The following PCDH7 variants were observed in gnomAD, a reference collection of about 807,000 sequenced individuals.
The protein encoded by PCDH7 is protocadherin-7.
Under a neutral mutation model 58.9 loss-of-function variants are expected in PCDH7, and 17 were observed. That is an observed-to-expected ratio of 0.29 (90% CI 0.20 to 0.43). The LOEUF is 0.43. Among genes scored for constraint, PCDH7 ranks in the 20% least tolerant of loss-of-function variants. The probability of loss-of-function intolerance (pLI) is 1.00; values close to 1 mark genes in which losing one functional copy is unlikely to be tolerated. For synonymous variants in PCDH7, 664 were observed against 616.4 expected (o/e 1.08, Z -1.14); for missense variants, 1,274 against 1,441.0 (o/e 0.88, Z 1.88).
At chr4:31,142,937 A>T in exon 4 of PCDH7, 2 of 998,160 alleles carry the variant, frequency 2.0e-6, no homozygotes, top group South Asian at 1.5e-5. Context: ...GTTTAATCAC[A>T]AAGAGGGGGC....
chr4:31,132,961 G>T (rs1464395481), intron 3 of PCDH7, among the ~76,000 whole-genome samples: 2 of 152,056 alleles, frequency 1.3e-5, no homozygotes, highest in Non-Finnish European at 2.9e-5. Flanking sequence ...TAGGATTTTT[G>T]GATTTGGGCC....
chr4:30,731,188 A>AT, exon 2 of PCDH7: 2 of 974,632 alleles, frequency 2.1e-6, no homozygotes, highest in Non-Finnish European at 2.4e-6. Flanking sequence ...TTAAATACTG[A>AT]TTTTGAATAA....
intron 1 of PCDH7, among the ~76,000 whole-genome samples, chr4:30,810,724 C>T (rs948214206): frequency 6.6e-5 from 10 of 151,840 alleles, no homozygotes; most frequent in African/African-American, 1.2e-4. Context: ...TATTCTCCCA[C>T]CTCCGTCTCC....
At chr4:31,036,395 A>G (rs1313780759) in intron 3 of PCDH7, among the ~76,000 whole-genome samples, 1 of 152,148 alleles carries the variant, frequency 6.6e-6, no homozygotes, top group Non-Finnish European at 1.5e-5. Context: ...CATGTTGGCC[A>G]GGCTGGTCTC....
At chr4:30,817,204 C>T (rs1412186062) in intron 1 of PCDH7, among the ~76,000 whole-genome samples, 2 of 152,112 alleles carry the variant, frequency 1.3e-5, no homozygotes, top group Non-Finnish European at 2.9e-5. Context: ...TGCTATGGGA[C>T]CTTAAGCAGG....
intron 3 of PCDH7, among the ~76,000 whole-genome samples, chr4:31,033,194 T>A (rs1278026948): frequency 1.4e-5 from 2 of 144,500 alleles, no homozygotes; most frequent in Non-Finnish European, 1.5e-5. Flanking sequence ...GAAATGTACG[T>A]TTGTTAGGTC....
chr4:30,764,210 A>G (rs1007788779), intron 1 of PCDH7, among the ~76,000 whole-genome samples: 5 of 152,158 alleles, frequency 3.3e-5, no homozygotes, highest in African/African-American at 7.2e-5. Flanking sequence ...GTAAAGTTAC[A>G]CACACTTCAT....
intron 1 of PCDH7, among the ~76,000 whole-genome samples, chr4:30,902,094 T>C (rs550402877): frequency 6.6e-6 from 1 of 152,328 alleles, no homozygotes; most frequent in African/African-American, 2.4e-5. Context: ...TGACAAACGA[T>C]AAGTATTAGG....
intron 3 of PCDH7, among the ~76,000 whole-genome samples, chr4:31,015,244 T>G (rs1433730355): frequency 3.3e-5 from 5 of 152,134 alleles, no homozygotes; most frequent in Non-Finnish European, 7.4e-5. Flanking sequence ...ATGCATAAAC[T>G]CAGCAAACTA....
At chr4:30,936,017 A>G (rs1560515893) in intron 2 of PCDH7, among the ~76,000 whole-genome samples, 2 of 152,110 alleles carry the variant, frequency 1.3e-5, no homozygotes, top group Admixed American at 6.5e-5. Flanking sequence ...ATAAATACAC[A>G]TAAAATGAAA....
At chr4:30,889,063 C>A (rs1738234311) in intron 1 of PCDH7, among the ~76,000 whole-genome samples, 1 of 148,220 alleles carries the variant, frequency 6.7e-6, no homozygotes, top group African/African-American at 2.5e-5. Context: ...TGCCTTTAGT[C>A]CCAGCCACTC....
At chr4:30,818,434 G>A (rs562688060) in intron 1 of PCDH7, among the ~76,000 whole-genome samples, 1 of 152,230 alleles carries the variant, frequency 6.6e-6, no homozygotes, top group Admixed American at 6.5e-5. Context: ...AAGAAAATGA[G>A]TCTTCTCTCC....
At chr4:30,913,731 A>G (rs1195234887) in intron 1 of PCDH7, among the ~76,000 whole-genome samples, 1 of 152,170 alleles carries the variant, frequency 6.6e-6, no homozygotes, top group African/African-American at 2.4e-5. Flanking sequence ...TCTTTCTGCA[A>G]TCCAGATGGA....
chr4:30,896,066 G>T (rs892670781), intron 1 of PCDH7, among the ~76,000 whole-genome samples: 4 of 152,126 alleles, frequency 2.6e-5, no homozygotes, highest in African/African-American at 9.7e-5. Context: ...AGGTGGAGGG[G>T]TTATTGTTTC....
At chr4:30,982,475 C>G (rs1345608014) in intron 3 of PCDH7, among the ~76,000 whole-genome samples, 2 of 152,200 alleles carry the variant, frequency 1.3e-5, no homozygotes, top group Non-Finnish European at 2.9e-5. Context: ...ACCACCTTCT[C>G]TCTCATAGGA....
At chr4:30,753,621 CAA>C (rs1355819557) in intron 1 of PCDH7, among the ~76,000 whole-genome samples, 1 of 152,156 alleles carries the variant, frequency 6.6e-6, no homozygotes, top group African/African-American at 2.4e-5. Flanking sequence ...GCTTCCATGG[CAA>C]AGACATGTTT....
chr4:30,799,084 G>A (rs986785730), intron 1 of PCDH7, among the ~76,000 whole-genome samples: 15 of 151,968 alleles, frequency 9.9e-5, no homozygotes, highest in East Asian at 1.9e-4. Context: ...CATCAATATC[G>A]GAGACATAGT....
intron 3 of PCDH7, among the ~76,000 whole-genome samples, chr4:30,988,813 A>G (rs994304653): frequency 6.6e-6 from 1 of 152,214 alleles, no homozygotes; most frequent in African/African-American, 2.4e-5. Context: ...TGGGAATGGA[A>G]GAACTCTTTC....
chr4:31,070,005 T>A (rs1758419594), intron 3 of PCDH7, among the ~76,000 whole-genome samples: 1 of 151,974 alleles, frequency 6.6e-6, no homozygotes, highest in Non-Finnish European at 1.5e-5. Flanking sequence ...ATTGAGATCT[T>A]TAGATTAACT....
Sources: gnomAD v4.1 joint callset for allele counts (sites outside exome capture counted in the v4.1 genomes callset) on GRCh38, gnomAD v4.1.1 for gene constraint, MANE v1.5 for transcripts, NCBI Gene and HGNC (gene_info 2026-07-23, HGNC 2026-07-21) for gene names.